The following FCHO2 variants were observed in gnomAD, a reference collection of about 807,000 sequenced individuals.
FCHO2 encodes FCH and mu domain containing endocytic adaptor 2.
In FCHO2, 43 loss-of-function variants were observed where a neutral mutation model predicts 114.1. The ratio of observed to expected loss-of-function variants is 0.38; its 90% CI spans 0.30 to 0.49. The LOEUF is 0.49. FCHO2 is among the 20% of genes least tolerant of loss of function. The pLI is 0.97. For missense variants in FCHO2, 807 were observed against 950.4 expected (o/e 0.85, Z 1.98); for synonymous variants, 293 against 315.2 (o/e 0.93, Z 0.75).
chr5:73,068,608 G>A, intron 18 of FCHO2, 42 bp from the exon 19 acceptor site: 1 of 1,595,370 alleles, frequency 6.3e-7, no homozygotes, highest in Non-Finnish European at 8.5e-7. Flanking sequence ...AACAAGAGAG[G>A]TATTGTTTTA....
intron 1 of FCHO2, among the ~76,000 whole-genome samples, chr5:72,959,854 G>C (rs746863963): frequency 1.3e-5 from 2 of 151,066 alleles, no homozygotes; most frequent in African/African-American, 4.9e-5. Context: ...AGCATGGCTC[G>C]CTGCAGCTTC....
At chr5:73,064,869 AC>A (rs1268252083) in intron 18 of FCHO2, among the ~76,000 whole-genome samples, 1 of 151,992 alleles carries the variant, frequency 6.6e-6, no homozygotes, top group Admixed American at 6.6e-5. Context: ...AAACATCACC[AC>A]CTAGGCAAAA....
chr5:73,050,618 G>A (rs957083819), intron 11 of FCHO2, among the ~76,000 whole-genome samples: 13 of 152,112 alleles, frequency 8.5e-5, no homozygotes, highest in African/African-American at 2.4e-4. Context: ...CACCGGGCCC[G>A]CTTTCTGTGT....
intron 5 of FCHO2, among the ~76,000 whole-genome samples, chr5:73,002,778 C>A (rs1325874276): frequency 6.6e-6 from 1 of 152,100 alleles, no homozygotes; most frequent in Non-Finnish European, 1.5e-5. Context: ...TTGTTTCTGT[C>A]TTCAAGAAGC....
chr5:73,005,334 T>G (rs1754659199), intron 5 of FCHO2, among the ~76,000 whole-genome samples: 2 of 152,184 alleles, frequency 1.3e-5, no homozygotes, highest in African/African-American at 4.8e-5. Flanking sequence ...TTAAGTATTT[T>G]ACAGCTTTCC....
intron 8 of FCHO2, among the ~76,000 whole-genome samples, chr5:73,021,986 G>A (rs1198311178): frequency 6.6e-6 from 1 of 152,160 alleles, no homozygotes; most frequent in East Asian, 1.9e-4. Flanking sequence ...TTACAGATGA[G>A]GGAAATGTTC....
chr5:73,075,445 C>T (rs1480165641), intron 20 of FCHO2, among the ~76,000 whole-genome samples: 1 of 152,094 alleles, frequency 6.6e-6, no homozygotes, highest in East Asian at 1.9e-4. Flanking sequence ...AACCATGTCA[C>T]TGAGTAGGAG....
chr5:73,044,967 T>C (rs1290932324), intron 11 of FCHO2, among the ~76,000 whole-genome samples: 1 of 152,200 alleles, frequency 6.6e-6, no homozygotes, highest in Non-Finnish European at 1.5e-5. Flanking sequence ...ATGGGTACGT[T>C]TTTATTAATA....
At chr5:73,065,245 T>C (rs1758009227) in intron 18 of FCHO2, among the ~76,000 whole-genome samples, 1 of 152,078 alleles carries the variant, frequency 6.6e-6, no homozygotes, top group African/African-American at 2.4e-5. Flanking sequence ...CATTCTCTTT[T>C]TTAAATCGTT....
chr5:72,985,569 A>T (rs1272632593), intron 2 of FCHO2, among the ~76,000 whole-genome samples: 1 of 152,194 alleles, frequency 6.6e-6, no homozygotes, highest in Non-Finnish European at 1.5e-5. Flanking sequence ...GCCATTGGTG[A>T]TAATCACCTA....
At chr5:73,082,146 ATAGTAACCT>A (rs376651630) in intron 23 of FCHO2, among the ~76,000 whole-genome samples, 164 bp downstream of exon 23, 3 of 152,290 alleles carry the variant, frequency 2.0e-5, no homozygotes, top group Admixed American at 6.5e-5. Flanking sequence ...TAGTCAAACC[ATAGTAACCT>A]TAATCAAAAA....
chr5:73,013,864 T>G (rs769469723), intron 6 of FCHO2, among the ~76,000 whole-genome samples: 3 of 152,136 alleles, frequency 2.0e-5, no homozygotes, highest in Non-Finnish European at 4.4e-5. Flanking sequence ...TTTTGTATTT[T>G]TAGTAGAGAC....
chr5:73,078,352 T>C (rs771498387), intron 22 of FCHO2, 40 bp downstream of exon 22: 61 of 1,520,916 alleles, frequency 4.0e-5, no homozygotes, highest in Non-Finnish European at 4.9e-5. Flanking sequence ...AATTAAAATA[T>C]TAAAAAATGG....
chr5:72,961,736 C>T (rs941226839), intron 1 of FCHO2, among the ~76,000 whole-genome samples: 7 of 151,874 alleles, frequency 4.6e-5, no homozygotes, highest in South Asian at 4.1e-4. Context: ...CTGGGATTAC[C>T]GGCATGCACC....
At chr5:73,054,698 A>G (rs1289933433) in intron 15 of FCHO2, 149 bp downstream of exon 15, 10 of 571,586 alleles carry the variant, frequency 1.7e-5, no homozygotes, top group Admixed American at 3.7e-5. Context: ...TTTAAATAGA[A>G]AACAGCGTAT....
intron 1 of FCHO2, among the ~76,000 whole-genome samples, chr5:72,965,158 TGTAACTTG>T (rs1241484716): frequency 6.6e-6 from 1 of 152,134 alleles, no homozygotes; most frequent in Non-Finnish European, 1.5e-5. Flanking sequence ...GAGAAGAGGT[TGTAACTTG>T]TGGTTGAACG....
intron 18 of FCHO2, among the ~76,000 whole-genome samples, chr5:73,065,614 A>T (rs1389936116): frequency 3.3e-5 from 5 of 152,068 alleles, no homozygotes; most frequent in Non-Finnish European, 4.4e-5. Flanking sequence ...ATATTGTTGA[A>T]TGCAAATAGT....
intron 20 of FCHO2, among the ~76,000 whole-genome samples, chr5:73,075,588 A>G (rs1057309290): frequency 6.6e-6 from 1 of 152,146 alleles, no homozygotes; most frequent in African/African-American, 2.4e-5. Context: ...CAGAGGAATG[A>G]TGAAATTACA....
intron 5 of FCHO2, among the ~76,000 whole-genome samples, chr5:72,993,862 AC>A (rs1485875031): frequency 6.6e-6 from 1 of 152,098 alleles, no homozygotes; most frequent in African/African-American, 2.4e-5. Context: ...TGGTCTGTCA[AC>A]TGACAAAAAC....
Sources: allele counts gnomAD v4.1 joint callset (sites outside exome capture counted in the v4.1 genomes callset), GRCh38; gene constraint gnomAD v4.1.1; transcripts MANE v1.5; gene names NCBI Gene and HGNC (gene_info 2026-07-23, HGNC 2026-07-21).